Variants in TUBA1C observed in about 807,000 individuals in gnomAD.
The protein encoded by TUBA1C is tubulin alpha 1c, also known as tubulin alpha-1C chain.
Under a neutral mutation model 34.9 loss-of-function variants are expected in TUBA1C, and 16 were observed. The observed-to-expected ratio is 0.46, with a 90% CI of 0.31 to 0.70. The LOEUF (loss-of-function observed/expected upper bound fraction) is 0.70. Ranked by LOEUF, TUBA1C falls within the 30% of genes least tolerant of loss-of-function variation. The pLI, the probability that TUBA1C is intolerant of heterozygous loss-of-function variation, is 0.05. For synonymous variants in TUBA1C, 177 were observed against 215.9 expected (o/e 0.82, Z 1.58); for missense variants, 329 against 587.3 (o/e 0.56, Z 4.55).
chr12:49,259,283 A>G (rs367962204), intron 1 of TUBA1C, among the ~76,000 whole-genome samples: 264 of 151,448 alleles, frequency 1.7e-3, no homozygotes, highest in African/African-American at 6.1e-3. Context: ...CCCAGGCTGG[A>G]ATGCAGTGTG....
chr12:49,266,964 G>GT (rs1470393940), intron 1 of TUBA1C, among the ~76,000 whole-genome samples: 1 of 152,186 alleles, frequency 6.6e-6, no homozygotes, highest in Non-Finnish European at 1.5e-5. Flanking sequence ...TCACAAAGTA[G>GT]TGAGACCCTT....
At chr12:49,238,109 CAAA>C (rs759147395) in intron 1 of TUBA1C, among the ~76,000 whole-genome samples, 3 of 103,726 alleles carry the variant, frequency 2.9e-5, no homozygotes, top group Non-Finnish European at 2.1e-5. Context: ...GATTCCGCCT[CAAA>C]AAAAAAAAAA....
chr12:49,253,105 A>G (rs948478155), intron 1 of TUBA1C, among the ~76,000 whole-genome samples: 3 of 151,694 alleles, frequency 2.0e-5, no homozygotes, highest in Admixed American at 6.6e-5. Context: ...AAAAAAAAAA[A>G]AAGACTTTCA....
chr12:49,256,925 A>G (rs535108176), intron 1 of TUBA1C, among the ~76,000 whole-genome samples: 66 of 152,258 alleles, frequency 4.3e-4, no homozygotes, highest in African/African-American at 1.5e-3. Flanking sequence ...CACGCCTGTA[A>G]TCCTAACACT....
intron 1 of TUBA1C, among the ~76,000 whole-genome samples, chr12:49,241,589 C>T (rs1331383831): frequency 6.6e-6 from 1 of 152,034 alleles, no homozygotes; most frequent in African/African-American, 2.4e-5. Flanking sequence ...ATGATAAATG[C>T]TTTACACATA....
At chr12:49,253,527 G>T (rs1165842855) in intron 1 of TUBA1C, among the ~76,000 whole-genome samples, 1 of 151,342 alleles carries the variant, frequency 6.6e-6, no homozygotes, top group Admixed American at 6.6e-5. Context: ...GGGAGGGGGC[G>T]TGGGGAGGGG....
At position 49,272,364 on chromosome 12, in the gene TUBA1C, A is replaced by T; in HGVS notation, c.487A>T (p.Lys163Ter). The T allele has an allele frequency of 6.2e-7, 1 of 1,614,054 alleles. No individual in the cohort carries two copies. Among genetic ancestry groups the T allele is most frequent in the African/African-American group, 1.3e-5 (1 of 74,984 alleles). Residue 163 changes from lysine (K) to a stop codon, truncating the protein, a stop_gained, in exon 4 of 4, where the codon AAG becomes TAG. Transcript: ENST00000301072. LOFTEE classifies it high-confidence loss of function. ...LMERLSVDYG[K>*]KSKLEFSIYP... ...GGAACGTCTCTCAGTTGATTATGGCAAGAAGTCCAAGCTGGAGTTCTCCAT... is the reference window on the plus strand; with the variant it reads ...GGAACGTCTCTCAGTTGATTATGGCTAGAAGTCCAAGCTGGAGTTCTCCAT...
intron 1 of TUBA1C, among the ~76,000 whole-genome samples, chr12:49,266,293 G>A (rs1168377664): frequency 6.6e-6 from 1 of 151,112 alleles, no homozygotes. Context: ...AGCTGGGCGT[G>A]GTGGCAGGCG....
intron 1 of TUBA1C, among the ~76,000 whole-genome samples, chr12:49,238,742 G>A (rs546634794): frequency 6.6e-6 from 1 of 151,998 alleles, no homozygotes; most frequent in South Asian, 2.1e-4. Context: ...GAACTCCTGG[G>A]CTCAAGCATG....
chr12:49,241,806 C>T (rs1312838097), intron 1 of TUBA1C, among the ~76,000 whole-genome samples: 1 of 151,604 alleles, frequency 6.6e-6, no homozygotes, highest in Non-Finnish European at 1.5e-5. Flanking sequence ...CACGCCGACA[C>T]GCCCGGCTAA....
intron 1 of TUBA1C, chr12:49,256,428 G>A (rs182841351): frequency 0.01 from 4,575 of 455,422 alleles, 54 homozygotes; most frequent in South Asian, 0.028. Context: ...CTTGGGTTCC[G>A]TACATATAAA....
exon 1 of TUBA1C, chr12:49,228,125 A>C (rs1275953526): frequency 1.3e-6 from 2 of 1,535,616 alleles, no homozygotes; most frequent in Non-Finnish European, 1.7e-6. Context: ...TAACACATGC[A>C]CATCCAGCAA....
At chr12:49,241,892 C>T (rs752668107) in intron 1 of TUBA1C, among the ~76,000 whole-genome samples, 13 of 151,918 alleles carry the variant, frequency 8.6e-5, no homozygotes, top group African/African-American at 2.4e-4. Flanking sequence ...TTGGGCAATC[C>T]GCTCACCTCA....
upstream of TUBA1C, among the ~76,000 whole-genome samples, chr12:49,263,208 C>G (rs10783312): frequency 1 from 151,924 of 152,052 alleles, 75,899 homozygotes; most frequent in Middle Eastern, 1. Context: ...TTTTGGTAGA[C>G]ATGGGGTTTC....
intron 1 of TUBA1C, among the ~76,000 whole-genome samples, chr12:49,251,455 T>G (rs1942731213): frequency 1.3e-5 from 2 of 152,062 alleles, no homozygotes; most frequent in Admixed American, 6.6e-5. Context: ...ACAAAAGTCG[T>G]CTGCAAACCA....
intron 1 of TUBA1C, among the ~76,000 whole-genome samples, chr12:49,244,468 T>G (rs960168269): frequency 6.6e-6 from 1 of 152,154 alleles, no homozygotes; most frequent in Non-Finnish European, 1.5e-5. Context: ...CTTCAAAATG[T>G]TCAAATGTCC....
At chr12:49,245,651 G>T (rs1942659721) in intron 1 of TUBA1C, among the ~76,000 whole-genome samples, 1 of 152,140 alleles carries the variant, frequency 6.6e-6, no homozygotes, top group Non-Finnish European at 1.5e-5. Flanking sequence ...GGGAATCTGT[G>T]GCATCTTGCC....
chr12:49,254,401 C>T (rs1235926676), intron 1 of TUBA1C, among the ~76,000 whole-genome samples: 1 of 140,890 alleles, frequency 7.1e-6, no homozygotes, highest in Non-Finnish European at 1.5e-5. Flanking sequence ...ATCACTTGAA[C>T]TTGGGAAGTG....
At chr12:49,239,856 ATC>A (rs2136992175) in intron 1 of TUBA1C, among the ~76,000 whole-genome samples, 1 of 152,198 alleles carries the variant, frequency 6.6e-6, no homozygotes, top group Non-Finnish European at 1.5e-5. Flanking sequence ...AGAGTCTAGC[ATC>A]TCTCAGCAAA....
Sources: allele counts gnomAD v4.1 joint callset (sites outside exome capture counted in the v4.1 genomes callset), GRCh38; gene constraint gnomAD v4.1.1; transcripts MANE v1.5; gene names NCBI Gene and HGNC (gene_info 2026-07-23, HGNC 2026-07-21).